Variants in COL24A1 observed in about 807,000 individuals in gnomAD.
COL24A1 encodes the protein collagen type XXIV alpha 1 chain.
Under a neutral mutation model 253.9 loss-of-function variants are expected in COL24A1, and 224 were observed. That is an observed-to-expected ratio of 0.88 (90% confidence interval 0.79 to 0.99). The LOEUF (loss-of-function observed/expected upper bound fraction) is 0.99, where lower values mean the gene tolerates loss of function less well. Ranked by LOEUF, COL24A1 falls within the 50% of genes least tolerant of loss-of-function variation. COL24A1 has a pLI of 0.00. For synonymous variants in COL24A1, 685 were observed against 673.7 expected (o/e 1.02, Z -0.26); for missense variants, 2,131 against 2,068.5 (o/e 1.03, Z -0.59).
Position 85,734,853 on chromosome 1 carries a change from G to A in COL24A1, c.4894C>T (p.Gln1632Ter), listed in dbSNP as rs1198226567. 7 of 1,614,066 alleles carry A rather than the reference G, an allele frequency of 4.3e-6. No individual in the cohort carries two copies. Among genetic ancestry groups the A allele is most frequent in the Non-Finnish European group, 5.9e-6 (7 of 1,180,038 alleles). Reference sequence around the variant, plus strand: ...ATAGGCAATCCTGGGCCACTTGTTTGTGTGCTTGTCCACCTTGGGGTGTTT... The same window carrying A: ...ATAGGCAATCCTGGGCCACTTGTTTATGTGCTTGTCCACCTTGGGGTGTTT... The part of the protein sequence containing the change: ...CLNTPRWTST[Q>*]TSGPGLPIGF... Residue 1632 changes from glutamine (Q) to a stop codon, truncating the protein, a stop_gained, in exon 59 of 60, where the codon CAA becomes TAA. Transcript: ENST00000370571. LOFTEE classifies it high-confidence loss of function.
chr1:85,942,515 T>C (rs1688846652), intron 24 of COL24A1, among the ~76,000 whole-genome samples: 2 of 152,224 alleles, frequency 1.3e-5, no homozygotes, highest in Non-Finnish European at 2.9e-5. Flanking sequence ...TGCTACATTG[T>C]AGAATACGCT....
intron 1 of COL24A1, among the ~76,000 whole-genome samples, chr1:86,153,818 C>G (rs904615507): frequency 4.6e-5 from 7 of 152,124 alleles, no homozygotes; most frequent in African/African-American, 1.2e-4. Context: ...ACCATAATAG[C>G]CTGCCTCAGA....
At chr1:85,736,607 T>C (rs1311854787) in intron 58 of COL24A1, 1 of 418,312 alleles carries the variant, frequency 2.4e-6, no homozygotes, top group Non-Finnish European at 4.9e-6. Flanking sequence ...AGAGAGGTGT[T>C]TTAGGAGGAG....
intron 14 of COL24A1, among the ~76,000 whole-genome samples, chr1:86,031,164 C>T (rs1698535344): frequency 6.6e-6 from 1 of 152,020 alleles, no homozygotes; most frequent in African/African-American, 2.4e-5. Context: ...AGGAATGGAA[C>T]TGGAAGACAT....
Position 86,131,802 on chromosome 1 carries a change from A to C in COL24A1, c.122-5588T>G, listed in dbSNP as rs578091007. Among the ~76,000 whole-genome samples the C allele has an allele frequency of 2.8e-3, 420 of 152,274 alleles. 2 individuals are homozygous for C. The highest frequency in any genetic ancestry group is 9.6e-3 in the African/African-American group (399 of 41,544). ...TTGGTTCCAAGTCTTTGATATTGTG[A>C]ATAGTGCCGCAATAAACATATGTGT... On this transcript the variant is annotated intron_variant, in intron 2 of 59. Transcript: ENST00000370571.
At chr1:85,937,726 C>A (rs1688358533) in intron 24 of COL24A1, among the ~76,000 whole-genome samples, 1 of 147,298 alleles carries the variant, frequency 6.8e-6, no homozygotes, top group Non-Finnish European at 1.5e-5. Flanking sequence ...AACAGAGAAC[C>A]ATATTAAGCC....
intron 43 of COL24A1, among the ~76,000 whole-genome samples, chr1:85,835,349 C>A (rs1047557030): frequency 1.3e-5 from 2 of 152,116 alleles, no homozygotes; most frequent in African/African-American, 4.8e-5. Context: ...GCAGGATGGT[C>A]TCGATCTCCT....
intron 19 of COL24A1, among the ~76,000 whole-genome samples, chr1:85,990,983 T>TA (rs1366652658): frequency 1.3e-5 from 2 of 152,062 alleles, no homozygotes; most frequent in Non-Finnish European, 2.9e-5. Flanking sequence ...AGAAGAGGAT[T>TA]AAAAAAATCT....
chr1:85,885,393 A>AT (rs202227831), intron 32 of COL24A1, among the ~76,000 whole-genome samples: 30,907 of 116,024 alleles, frequency 0.27, 3,916 homozygotes, highest in East Asian at 0.42. Flanking sequence ...ATATATATAT[A>AT]TATATTTTTT....
intron 10 of COL24A1, among the ~76,000 whole-genome samples, chr1:86,050,764 G>A (rs927523128): frequency 1.3e-5 from 2 of 152,064 alleles, no homozygotes; most frequent in African/African-American, 4.8e-5. Flanking sequence ...AGCTTTATGT[G>A]TAAGACCCAC....
At chr1:86,045,396 A>C (rs1019758931) in intron 12 of COL24A1, among the ~76,000 whole-genome samples, 2 of 152,190 alleles carry the variant, frequency 1.3e-5, no homozygotes, top group African/African-American at 2.4e-5. Context: ...AATAGCATAC[A>C]TTGATAGGAG....
chr1:85,771,483 T>G (rs1408123280), intron 53 of COL24A1, among the ~76,000 whole-genome samples: 1 of 152,192 alleles, frequency 6.6e-6, no homozygotes, highest in Non-Finnish European at 1.5e-5. Flanking sequence ...TGCCACATTT[T>G]CTTAATCCAG....
intron 1 of COL24A1, among the ~76,000 whole-genome samples, chr1:86,147,740 T>C (rs1293853742): frequency 2.0e-5 from 3 of 152,258 alleles, no homozygotes; most frequent in Admixed American, 6.5e-5. Context: ...GAAAAAACTA[T>C]TTAGAACATT....
chr1:85,808,615 A>T (rs1672220819), intron 47 of COL24A1, among the ~76,000 whole-genome samples: 1 of 152,232 alleles, frequency 6.6e-6, no homozygotes, highest in Admixed American at 6.5e-5. Flanking sequence ...GATATCTCAC[A>T]AAATATCATT....
intron 3 of COL24A1, among the ~76,000 whole-genome samples, chr1:86,121,764 G>A (rs1280172665): frequency 6.6e-6 from 1 of 152,026 alleles, no homozygotes; most frequent in East Asian, 1.9e-4. Context: ...ATGCAAACTT[G>A]TATGCCTGAA....
At chr1:86,064,733 C>T (rs1466553546) in intron 7 of COL24A1, among the ~76,000 whole-genome samples, 1 of 152,092 alleles carries the variant, frequency 6.6e-6, no homozygotes, top group Middle Eastern at 3.2e-3. Context: ...CAGTATTAAT[C>T]ACTGAGGGTT....
At chr1:86,044,737 TATA>T (rs1463368808) in intron 12 of COL24A1, among the ~76,000 whole-genome samples, 2 of 152,200 alleles carry the variant, frequency 1.3e-5, no homozygotes, top group Non-Finnish European at 2.9e-5. Context: ...AGAAGTTGTC[TATA>T]AAGGTCTCTG....
In COL24A1 at chr1:86,022,276, T is replaced by C. The variant is rs1697614572; in HGVS notation, c.2220A>G (p.Pro740=). 1.2e-6 allele frequency: 2 copies of C among 1,610,704 alleles called. No individual in the cohort carries two copies. Among genetic ancestry groups the C allele is most frequent in the Non-Finnish European group, 1.7e-6 (2 of 1,178,792 alleles). ...ACTTTCCTCTCATCCCTGGTGGTCC[T>C]GGTAAACCAACAGCACCCTAAGAGA... ...YPGDKGAVGL[P]GPPGMRGKSG... is the part of the protein sequence containing the mutation. Residue 740 remains proline, a synonymous_variant, in exon 18 of 60, where the codon CCA becomes CCG. Transcript: ENST00000370571.
chr1:86,021,781 T>G (rs1697558948), intron 18 of COL24A1, among the ~76,000 whole-genome samples: 1 of 152,088 alleles, frequency 6.6e-6, no homozygotes, highest in Non-Finnish European at 1.5e-5. Flanking sequence ...TATCTTTTTC[T>G]TTCGTCTAAT....
Sources: gnomAD v4.1 joint callset for allele counts (sites outside exome capture counted in the v4.1 genomes callset) on GRCh38, gnomAD v4.1.1 for gene constraint, MANE v1.5 for transcripts, NCBI Gene and HGNC (gene_info 2026-07-23, HGNC 2026-07-21) for gene names.